Variants in ABR observed in about 807,000 individuals in gnomAD.
The protein encoded by ABR is active breakpoint cluster region-related protein.
A neutral mutation model predicts 107.2 loss-of-function variants in ABR; 35 were observed. That is an observed-to-expected ratio of 0.33 (90% CI 0.25 to 0.43). The LOEUF is 0.43. ABR is among the 20% of genes least tolerant of loss of function. The pLI is 1.00. For synonymous variants in ABR, 498 were observed against 462.0 expected, an observed-to-expected ratio of 1.08 and a Z score of -1.00; for missense variants, 815 against 1,115.2, an observed-to-expected ratio of 0.73 and a Z score of 3.83.
chr17:1,126,141 C>T (rs2039591089), intron 1 of ABR, among the ~76,000 whole-genome samples: 2 of 152,166 alleles, frequency 1.3e-5, no homozygotes, highest in African/African-American at 4.8e-5. Flanking sequence ...AGCCCACCCA[C>T]CTTGGGAGGG....
exon 1 of ABR, among the ~76,000 whole-genome samples, chr17:1,229,441 C>T (rs545524928): frequency 6.6e-6 from 1 of 151,814 alleles, no homozygotes; most frequent in Non-Finnish European, 1.5e-5. Flanking sequence ...CCGCCCCGGG[C>T]CAGCGCGGCC....
At chr17:1,146,260 G>GACACACAC (rs60058475) in intron 1 of ABR, among the ~76,000 whole-genome samples, 10,124 of 140,074 alleles carry the variant, frequency 0.072, 449 homozygotes, top group East Asian at 0.15. Context: ...GGCACATGGA[G>GACACACAC]ACACACACAC....
At chr17:1,133,060 C>T (rs549135130) in intron 1 of ABR, among the ~76,000 whole-genome samples, 2 of 152,040 alleles carry the variant, frequency 1.3e-5, no homozygotes, top group South Asian at 4.1e-4. Flanking sequence ...CTGACCCACA[C>T]GGAGAAACCC....
chr17:1,125,474 C>A, intron 1 of ABR, 107 bp from the exon 2 acceptor site: 1 of 1,365,196 alleles, frequency 7.3e-7, no homozygotes. Flanking sequence ...TGGCCCCGGC[C>A]GCACCATCCA....
chr17:1,061,309 C>T (rs1176896176), intron 10 of ABR, among the ~76,000 whole-genome samples: 6 of 152,168 alleles, frequency 3.9e-5, no homozygotes, highest in Non-Finnish European at 1.5e-5. Flanking sequence ...CCTGGGCGGG[C>T]ACTGTGGGCA....
chr17:1,087,442 G>A (rs1161928078), intron 4 of ABR, among the ~76,000 whole-genome samples: 2 of 151,966 alleles, frequency 1.3e-5, no homozygotes, highest in Non-Finnish European at 2.9e-5. Flanking sequence ...AGAGGGGAGC[G>A]CGAGTGGGGA....
rs537404549 is a variant in ABR at position 1,120,424 on chromosome 17, C to T, written c.246+4759G>A. ...AAGTAGCTGGGATTATAGGCACCTG[C>T]CACCACACCCAGCTAATTTTTTGTG... On this transcript the variant is annotated intron_variant, in intron 2 of 22. Transcript: ENST00000302538. Among the ~76,000 whole-genome samples the T allele has an allele frequency of 2.6e-5, 4 of 152,276 alleles. No homozygotes were observed. In the South Asian group the frequency reaches 6.2e-4, roughly 24 times the overall value.
intron 10 of ABR, among the ~76,000 whole-genome samples, chr17:1,063,428 A>G (rs1597625609): frequency 2.0e-5 from 3 of 148,756 alleles, no homozygotes; most frequent in Admixed American, 6.8e-5. Flanking sequence ...TCCTCTAGAC[A>G]CTGTTGTTAC....
At chr17:1,192,329 C>A (rs2042453655) in intron 1 of ABR, among the ~76,000 whole-genome samples, 1 of 152,126 alleles carries the variant, frequency 6.6e-6, no homozygotes, top group Admixed American at 6.5e-5. Flanking sequence ...CTGTATAAAC[C>A]AGAGTTCCTT....
At position 1,157,797 on chromosome 17, in the gene ABR, C is replaced by T. The variant is rs577572634; in HGVS notation, c.61+21870G>A. ...TGCCTGCCAGGCACAGAACCTCAGG[C>T]GCACCCAGGCAGACCCACGATGGGG... On this transcript the variant is annotated intron_variant, in intron 1 of 22. Coordinates refer to ENST00000302538, the MANE Select transcript of ABR (RefSeq NM_021962.5). The surrounding 1 kb of genome is among the most constrained non-coding windows in gnomAD (Gnocchi z 4.7). Among the ~76,000 whole-genome samples, 34 of 152,342 alleles carry T rather than the reference C, an allele frequency of 2.2e-4. No homozygotes were observed. The East Asian group carries it at 5.4e-3, about 24-fold the overall frequency.
At position 1,092,798 on chromosome 17, in the gene ABR, A is replaced by C. The variant is rs1177143278; in HGVS notation, c.346-948T>G. Among the ~76,000 whole-genome samples the C allele has an allele frequency of 6.6e-6, 1 of 151,772 alleles. No homozygotes were observed. The highest frequency in any genetic ancestry group is 1.5e-5 in the Non-Finnish European group (1 of 67,948). On this transcript the variant is annotated intron_variant, in intron 3 of 22. Coordinates refer to ENST00000302538, the MANE Select transcript of ABR (RefSeq NM_021962.5). This position sits in a 1 kb window ranked among gnomAD's most constrained non-coding sequence, Gnocchi z 4.6. Reference sequence around the variant, plus strand: ...CCATACAGGGAAGGTGTGGCAGGGAAGGGCAGGGTGGCCAGAGGGAGAGCA... The same window carrying C: ...CCATACAGGGAAGGTGTGGCAGGGACGGGCAGGGTGGCCAGAGGGAGAGCA...
In ABR at chr17:1,084,183, C is replaced by A. The variant is rs2036446205; in HGVS notation, c.532-556G>T. Among the ~76,000 whole-genome samples the A allele has an allele frequency of 6.6e-6, 1 of 152,176 alleles. No homozygotes were observed. ...CCTGAGGTCAGGAGTTCCAGACCAG[C>A]CTGGCCAACATGGCGAAACCCCGTC... On this transcript the variant is annotated intron_variant, in intron 4 of 22. Coordinates refer to ENST00000302538, the MANE Select transcript of ABR (RefSeq NM_021962.5). The surrounding 1 kb of genome is among the most constrained non-coding windows in gnomAD (Gnocchi z 4.2).
chr17:1,089,527 A>G (rs1323589139), intron 4 of ABR, among the ~76,000 whole-genome samples: 1 of 152,010 alleles, frequency 6.6e-6, no homozygotes, highest in Non-Finnish European at 1.5e-5. Flanking sequence ...GAGAAACAGG[A>G]CTCTCAGGAC....
intron 2 of ABR, among the ~76,000 whole-genome samples, chr17:1,116,654 G>C (rs1377318137): frequency 6.6e-6 from 1 of 152,180 alleles, no homozygotes; most frequent in Non-Finnish European, 1.5e-5. Context: ...CAAGGCACTA[G>C]TCTACCTACT....
intron 21 of ABR, 91 bp downstream of exon 21, chr17:1,009,588 G>A (rs112234241): frequency 2.9e-6 from 3 of 1,049,762 alleles, no homozygotes; most frequent in African/African-American, 3.1e-5. Context: ...TTTTCACGAG[G>A]AGGGACTGAG....
chr17:1,197,474 G>A (rs541571959), intron 1 of ABR, among the ~76,000 whole-genome samples: 2 of 151,676 alleles, frequency 1.3e-5, no homozygotes, highest in African/African-American at 2.4e-5. Flanking sequence ...GAGCCTCCTC[G>A]GATCTTAGCC....
upstream of ABR, among the ~76,000 whole-genome samples, chr17:1,189,187 G>A (rs1006794771): frequency 6.6e-6 from 1 of 152,110 alleles, no homozygotes; most frequent in African/African-American, 2.4e-5. Flanking sequence ...TGGGTCCGTT[G>A]GTTGGAGCAG....
At chr17:1,098,644 C>T (rs2037652045) in intron 3 of ABR, among the ~76,000 whole-genome samples, 1 of 152,238 alleles carries the variant, frequency 6.6e-6, no homozygotes. Context: ...TACGCCTGCT[C>T]TTAATGGCAG....
chr17:1,183,364 A>T (rs999774740), upstream of ABR, among the ~76,000 whole-genome samples: 3 of 151,822 alleles, frequency 2.0e-5, no homozygotes, highest in Non-Finnish European at 2.9e-5. Flanking sequence ...CCCCAGGGTG[A>T]CCTGCCTGCT....
Sources: gnomAD v4.1 joint callset for allele counts (sites outside exome capture counted in the v4.1 genomes callset) on GRCh38, gnomAD v4.1.1 for gene constraint, Gnocchi (gnomAD v3.1) non-coding constraint, MANE v1.5 for transcripts, NCBI Gene and HGNC (gene_info 2026-07-23, HGNC 2026-07-21) for gene names.